THSD7B: variants seen among roughly 807,000 people sequenced by gnomAD.
The protein encoded by THSD7B is thrombospondin type 1 domain containing 7B, also known as thrombospondin type-1 domain-containing protein 7B.
THSD7B carries 138 observed loss-of-function variants against 213.6 expected under a neutral mutation model. The ratio of observed to expected loss-of-function variants is 0.65; its 90% CI spans 0.56 to 0.74. THSD7B has a LOEUF of 0.74. Ranked by LOEUF, THSD7B falls within the 30% of genes least tolerant of loss-of-function variation. The pLI is 0.00. For missense variants in THSD7B, 1,931 were observed against 1,991.5 expected (o/e 0.97, Z 0.58); for synonymous variants, 742 against 687.0 (o/e 1.08, Z -1.25).
At position 136,888,678 on chromosome 2, in the gene THSD7B, T is replaced by C. The variant is rs113595350; in HGVS notation, c.139+6361T>C. On this transcript the variant is annotated intron_variant, in intron 2 of 27. Coordinates refer to ENST00000409968, the MANE Select transcript of THSD7B (RefSeq NM_001316349.2). ...GAGTTCACCACTAAAAATTCTAATTTTTTTATAGACCACAGTCACTAATTT... is the reference window on the plus strand; with the variant it reads ...GAGTTCACCACTAAAAATTCTAATTCTTTTATAGACCACAGTCACTAATTT... Among the ~76,000 whole-genome samples, 1,158 of 152,204 alleles carry C rather than the reference T, an allele frequency of 7.6e-3. 13 individuals carry two copies. The highest frequency in any genetic ancestry group is 0.026 in the African/African-American group (1,086 of 41,552).
At chr2:136,881,441 T>C (rs528256899) in intron 1 of THSD7B, among the ~76,000 whole-genome samples, 41 of 152,286 alleles carry the variant, frequency 2.7e-4, no homozygotes, top group African/African-American at 9.6e-4. Context: ...TGGGTGAGGA[T>C]TGAAAACTTG....
At chr2:136,958,284 A>G (rs1228131740) in intron 2 of THSD7B, among the ~76,000 whole-genome samples, 1 of 152,244 alleles carries the variant, frequency 6.6e-6, no homozygotes, top group Non-Finnish European at 1.5e-5. Flanking sequence ...TTCAGCCTGC[A>G]TGAGCACAGG....
intron 15 of THSD7B, among the ~76,000 whole-genome samples, chr2:137,497,463 C>G (rs978159428): frequency 6.6e-6 from 1 of 151,934 alleles, no homozygotes; most frequent in Non-Finnish European, 1.5e-5. Flanking sequence ...AGCCAAAATC[C>G]TCCCTGCCTT....
chr2:137,415,419 G>A (rs551106589), intron 14 of THSD7B, among the ~76,000 whole-genome samples: 1 of 152,220 alleles, frequency 6.6e-6, no homozygotes, highest in Non-Finnish European at 1.5e-5. Flanking sequence ...ACAATGAGGA[G>A]AAATATTAAA....
intron 1 of THSD7B, among the ~76,000 whole-genome samples, chr2:136,796,940 C>T (rs548695799): frequency 6.6e-6 from 1 of 150,672 alleles, no homozygotes; most frequent in Admixed American, 6.6e-5. Flanking sequence ...GAGGGTATAA[C>T]TACCAATTTT....
chr2:137,361,567 C>G (rs1901802), intron 12 of THSD7B, among the ~76,000 whole-genome samples: 2 of 151,888 alleles, frequency 1.3e-5, no homozygotes, highest in African/African-American at 2.4e-5. Flanking sequence ...AACCGTGGCA[C>G]GAGAACTACA....
intron 12 of THSD7B, among the ~76,000 whole-genome samples, chr2:137,370,131 G>A (rs1020330622): frequency 2.0e-5 from 3 of 151,842 alleles, no homozygotes; most frequent in South Asian, 2.1e-4. Context: ...TATAAAGAAC[G>A]CATATATGAT....
chr2:137,493,643 G>T (rs2105125763), intron 15 of THSD7B, among the ~76,000 whole-genome samples: 1 of 152,326 alleles, frequency 6.6e-6, no homozygotes, highest in East Asian at 1.9e-4. Flanking sequence ...TTATGCACTG[G>T]AGAGAAACAA....
chr2:137,676,020 G>C (rs1371095754), intron 27 of THSD7B, among the ~76,000 whole-genome samples: 1 of 152,188 alleles, frequency 6.6e-6, no homozygotes, highest in African/African-American at 2.4e-5. Context: ...AGGTAAAGCA[G>C]AGACCAGGTG....
Position 137,390,066 on chromosome 2 carries a change from CCTTT to C in THSD7B, c.2501-15544_2501-15541del, listed in dbSNP as rs544173590. ...AGCTCCACACAAATTTTAGGATTAC[CCTTT>C]CTATTTCTGTGAAAAAAACGACATT... is the stretch of plus-strand genomic sequence containing the variant. On this transcript the variant is annotated intron_variant, in intron 12 of 27. Coordinates refer to ENST00000409968, the MANE Select transcript of THSD7B (RefSeq NM_001316349.2). Among the ~76,000 whole-genome samples the C allele has an allele frequency of 1.1e-3, 168 of 152,110 alleles. 1 individual carries two copies. Among genetic ancestry groups the C allele is most frequent in the African/African-American group, 3.8e-3 (159 of 41,516 alleles).
intron 17 of THSD7B, among the ~76,000 whole-genome samples, chr2:137,585,494 C>T (rs1360436677): frequency 1.3e-5 from 2 of 152,028 alleles, no homozygotes; most frequent in East Asian, 3.9e-4. Flanking sequence ...ATATTTCCCT[C>T]TACACACTGC....
intron 2 of THSD7B, among the ~76,000 whole-genome samples, chr2:137,041,377 G>A (rs1573783966): frequency 6.6e-6 from 1 of 152,104 alleles, no homozygotes; most frequent in East Asian, 1.9e-4. Context: ...ATTAGATGTG[G>A]CTATTAAAGT....
chr2:136,978,818 C>A (rs1051258491), intron 2 of THSD7B, among the ~76,000 whole-genome samples: 2 of 151,212 alleles, frequency 1.3e-5, no homozygotes, highest in Non-Finnish European at 1.5e-5. Context: ...TGAATTTGAT[C>A]CTGTCACCAT....
At chr2:137,092,461 G>A (rs1278991308) in intron 3 of THSD7B, among the ~76,000 whole-genome samples, 1 of 151,950 alleles carries the variant, frequency 6.6e-6, no homozygotes, top group Non-Finnish European at 1.5e-5. Context: ...TTGGACCAGA[G>A]GAAGATTTAG....
chr2:136,941,627 T>C (rs1195286562), intron 2 of THSD7B, among the ~76,000 whole-genome samples: 1 of 152,272 alleles, frequency 6.6e-6, no homozygotes, highest in Non-Finnish European at 1.5e-5. Flanking sequence ...CATTTTGTCA[T>C]GTGACTGTTG....
intron 2 of THSD7B, among the ~76,000 whole-genome samples, chr2:136,969,500 A>G (rs1222854737): frequency 1.3e-5 from 2 of 152,242 alleles, no homozygotes; most frequent in East Asian, 1.9e-4. Flanking sequence ...ATGTTGTAGA[A>G]TCTCGAAAAT....
chr2:137,532,904 T>G (rs1484085820), intron 15 of THSD7B, among the ~76,000 whole-genome samples: 1 of 151,468 alleles, frequency 6.6e-6, no homozygotes, highest in Non-Finnish European at 1.5e-5. Flanking sequence ...TGCATATATA[T>G]GTATACATAT....
chr2:137,410,713 G>C (rs944912729), intron 13 of THSD7B, among the ~76,000 whole-genome samples: 1 of 152,110 alleles, frequency 6.6e-6, no homozygotes, highest in Non-Finnish European at 1.5e-5. Flanking sequence ...AGGCATTTCA[G>C]AAAAGCCATA....
chr2:137,355,602 G>T (rs188275299), intron 12 of THSD7B, among the ~76,000 whole-genome samples: 1 of 152,118 alleles, frequency 6.6e-6, no homozygotes, highest in Non-Finnish European at 1.5e-5. Context: ...ACAGGAGTAT[G>T]CAATTCCCAA....
Sources: allele counts gnomAD v4.1 joint callset (sites outside exome capture counted in the v4.1 genomes callset), GRCh38; gene constraint gnomAD v4.1.1; transcripts MANE v1.5; gene names NCBI Gene and HGNC (gene_info 2026-07-23, HGNC 2026-07-21).